Variants in PACRGL observed in about 807,000 individuals in gnomAD.
PACRGL encodes parkin coregulated like.
PACRGL carries 38 observed loss-of-function variants against 34.5 expected under a neutral mutation model. The observed-to-expected ratio is 1.10, with a 90% CI of 0.85 to 1.44. PACRGL has a LOEUF of 1.44. PACRGL is among the 40% of genes most tolerant of loss of function. The pLI is 0.00. For missense variants in PACRGL, 305 were observed against 281.4 expected, an observed-to-expected ratio of 1.08 and a Z score of -0.60; for synonymous variants, 128 against 100.1, an observed-to-expected ratio of 1.28 and a Z score of -1.66.
downstream of PACRGL, chr4:20,732,712 G>C: frequency 6.2e-7 from 1 of 1,611,874 alleles, no homozygotes; most frequent in Non-Finnish European, 8.5e-7. Flanking sequence ...TTGTCTGGGA[G>C]CATCTTCTTT....
At position 20,730,161 on chromosome 4, in the gene PACRGL, C is replaced by A; in HGVS notation, c.*2820C>A. The A allele has an allele frequency of 6.3e-7, 1 of 1,587,502 alleles. No individual in the cohort carries two copies. The highest frequency in any genetic ancestry group is 8.6e-7 in the Non-Finnish European group (1 of 1,168,186). ...GGGAGAAACACAGAGCGATTAAATT[C>A]AGCATATCTGCAAGGAAAAGTACAC... On this transcript the variant is annotated 3_prime_UTR_variant, in exon 9 of 9. Coordinates refer to ENST00000503585, the MANE Select transcript of PACRGL (RefSeq NM_001258345.3).
chr4:20,716,786 A>T (rs1373849436), intron 7 of PACRGL, among the ~76,000 whole-genome samples: 1 of 152,212 alleles, frequency 6.6e-6, no homozygotes, highest in African/African-American at 2.4e-5. Context: ...TAGTGCCGCA[A>T]TAAACATACA....
downstream of PACRGL, among the ~76,000 whole-genome samples, chr4:20,755,623 G>A (rs1754344500): frequency 6.6e-6 from 1 of 152,146 alleles, no homozygotes; most frequent in South Asian, 2.1e-4. Context: ...ATATATTATT[G>A]GATTGTCTCG....
rs909205765 is a variant in PACRGL, at chr4:20,729,322, A to G, written c.*1981A>G. ...CTTCAACTTCCACTTAATGATTGAT[A>G]CTAATGATTGATACAATAGAAAACA... On this transcript the variant is annotated 3_prime_UTR_variant, in exon 9 of 9. Coordinates refer to ENST00000503585, the MANE Select transcript of PACRGL (RefSeq NM_001258345.3). 1 of 151,462 alleles carries G rather than the reference A, an allele frequency of 6.6e-6. No individual in the cohort carries two copies. Among genetic ancestry groups the G allele is most frequent in the Non-Finnish European group, 1.5e-5 (1 of 67,958 alleles). 9.4% of individuals were successfully genotyped at this position (151,462 alleles called of 1,614,324 possible).
At chr4:20,717,043 G>A (rs1740419940) in intron 7 of PACRGL, among the ~76,000 whole-genome samples, 1 of 152,188 alleles carries the variant, frequency 6.6e-6, no homozygotes, top group South Asian at 2.1e-4. Context: ...GTGTGAGATG[G>A]TATCTCATTG....
At chr4:20,700,087 T>C (rs1731564461), upstream of PACRGL, among the ~76,000 whole-genome samples, 1 of 152,086 alleles carries the variant, frequency 6.6e-6, no homozygotes, top group Non-Finnish European at 1.5e-5. Flanking sequence ...GAGTTCACAG[T>C]CTTCAGTTCT....
Position 20,713,468 on chromosome 4 carries a change from A to C in PACRGL, c.538A>C (p.Asn180His), listed in dbSNP as rs1738269229. The C allele has an allele frequency of 1.2e-6, 2 of 1,613,606 alleles. No homozygotes were observed. Among genetic ancestry groups the C allele is most frequent in the Non-Finnish European group, 1.7e-6 (2 of 1,179,774 alleles). Residue 180 changes from asparagine (N) to histidine (H), a missense_variant, in exon 7 of 9, where the codon AAT becomes CAT. Coordinates refer to ENST00000503585, the MANE Select transcript of PACRGL (RefSeq NM_001258345.3). ...TGATGAAGTGTTTGAAAGAGGATTG[A>C]ATGCTCTAGTTCAGCTAAGTGTCGT... The part of the protein sequence containing the change: ...SDDEVFERGL[N>H]ALVQLSVVVG...
At chr4:20,699,842 A>G (rs1337785476), upstream of PACRGL, among the ~76,000 whole-genome samples, 4 of 152,182 alleles carry the variant, frequency 2.6e-5, no homozygotes, top group Admixed American at 6.6e-5. Context: ...GCTTTTCACT[A>G]TTAAATATTT....
In PACRGL at chr4:20,731,274, A is replaced by C. The variant is rs1748122021; in HGVS notation, c.*3933A>C. 2.3e-6 allele frequency: 1 copy of C among 434,466 alleles called. No homozygotes were observed. Among genetic ancestry groups the C allele is most frequent in the Admixed American group, 6.4e-5 (1 of 15,600 alleles). 26.9% of individuals were successfully genotyped at this position (434,466 alleles called of 1,614,324 possible). On this transcript the variant is annotated 3_prime_UTR_variant, in exon 9 of 9. Coordinates refer to ENST00000503585, the MANE Select transcript of PACRGL (RefSeq NM_001258345.3). ...TTGTAGAGATAGATAGGGTCTTGCT[A>C]TGTTGCCCACATTGGACTCAAAATC...
intron 7 of PACRGL, among the ~76,000 whole-genome samples, chr4:20,714,431 A>G (rs1351385450): frequency 2.0e-5 from 3 of 152,122 alleles, no homozygotes; most frequent in African/African-American, 7.2e-5. Flanking sequence ...CAGCACACTG[A>G]TGGGTCTTGA....
downstream of PACRGL, among the ~76,000 whole-genome samples, chr4:20,734,281 T>G (rs2149272331): frequency 6.6e-6 from 1 of 152,304 alleles, no homozygotes; most frequent in South Asian, 2.1e-4. Flanking sequence ...TCCTTATGGA[T>G]CACATGCTGT....
chr4:20,714,987 T>C (rs1441546331), intron 7 of PACRGL, among the ~76,000 whole-genome samples: 9 of 152,088 alleles, frequency 5.9e-5, no homozygotes, highest in African/African-American at 1.4e-4. Context: ...ATGTTTATCG[T>C]GGCACTACTC....
At chr4:20,735,950 A>C (rs62410158), downstream of PACRGL, among the ~76,000 whole-genome samples, 25,480 of 152,142 alleles carry the variant, frequency 0.17, 2,221 homozygotes, top group Middle Eastern at 0.24. Flanking sequence ...CTTCTGGGTG[A>C]ATTTGCATTA....
intron 7 of PACRGL, among the ~76,000 whole-genome samples, chr4:20,715,782 T>A (rs900383532): frequency 6.6e-6 from 1 of 152,088 alleles, no homozygotes; most frequent in Non-Finnish European, 1.5e-5. Context: ...GGAGAATTGC[T>A]TGAACCTTGG....
At chr4:20,758,361 G>A in the PACRGL span, among the ~76,000 whole-genome samples, 13 of 152,122 alleles carry the variant, frequency 8.5e-5, no homozygotes, top group South Asian at 2.1e-4. Context: ...GAAAATCTAG[G>A]TTATAACCCA....
At position 20,709,752 on chromosome 4, in the gene PACRGL, ACTT is replaced by A. The variant is rs1349683489; in HGVS notation, c.349_351del (p.Leu117del). On this transcript the variant is annotated inframe_deletion, in exon 5 of 9. Transcript: ENST00000503585. ...CTCCTGAAAGTCTTTCATTTGATCC[ACTT>A]CTTATTACTTTAGCTGAGGTAAATA... is the stretch of plus-strand genomic sequence containing the variant. The A allele has an allele frequency of 2.5e-6, 4 of 1,602,660 alleles. No homozygotes were observed. The highest frequency in any genetic ancestry group is 1.7e-5 in the Admixed American group (1 of 59,894).
At chr4:20,698,737 GA>G (rs1232934606), upstream of PACRGL, among the ~76,000 whole-genome samples, 1 of 152,188 alleles carries the variant, frequency 6.6e-6, no homozygotes, top group Non-Finnish European at 1.5e-5. Flanking sequence ...ATAAAGATCT[GA>G]AAAATCCGTG....
chr4:20,728,926 A>AAATAATCTGAATTATGATG lies in PACRGL; in HGVS notation c.*1587_*1605dup, dbSNP rs1259596394. On this transcript the variant is annotated 3_prime_UTR_variant, in exon 9 of 9. Coordinates refer to ENST00000503585, the MANE Select transcript of PACRGL (RefSeq NM_001258345.3). Reference sequence around the variant, plus strand: ...TTACAGTTTTGGCTAAGATGATTAAAAATAATCTGAATTATGATGAGCTAA... The same window carrying AAATAATCTGAATTATGATG: ...TTACAGTTTTGGCTAAGATGATTAAAAATAATCTGAATTATGATGAATAATCTGAATTATGATGAGCTAA... 1 of 143,906 alleles carries AAATAATCTGAATTATGATG rather than the reference A, an allele frequency of 6.9e-6. No homozygotes were observed. The highest frequency in any genetic ancestry group is 2.6e-5 in the African/African-American group (1 of 38,022). 8.9% of individuals were successfully genotyped at this position (143,906 alleles called of 1,614,324 possible).
At chr4:20,726,479 C>T (rs1745693703) in intron 8 of PACRGL, among the ~76,000 whole-genome samples, 1 of 152,048 alleles carries the variant, frequency 6.6e-6, no homozygotes, top group East Asian at 1.9e-4. Flanking sequence ...CAATTACATA[C>T]CAAAGACTTT....
Sources: gnomAD v4.1 joint callset for allele counts (sites outside exome capture counted in the v4.1 genomes callset) on GRCh38, gnomAD v4.1.1 for gene constraint, MANE v1.5 for transcripts, NCBI Gene and HGNC (gene_info 2026-07-23, HGNC 2026-07-21) for gene names.